Variants in DSCAM observed in about 807,000 individuals in gnomAD.
DSCAM encodes DS cell adhesion molecule, also known as cell adhesion molecule DSCAM.
Under a neutral mutation model 217.7 loss-of-function variants are expected in DSCAM, and 47 were observed. The observed-to-expected ratio is 0.22, with a 90% CI of 0.17 to 0.28. The LOEUF (loss-of-function observed/expected upper bound fraction) is 0.28. Among genes scored for constraint, DSCAM ranks in the 10% least tolerant of loss-of-function variants. The pLI, the probability that DSCAM is intolerant of heterozygous loss-of-function variation, is 1.00. For missense variants in DSCAM, 2,080 were observed against 2,618.3 expected (o/e 0.79, Z 4.49); for synonymous variants, 1,056 against 1,015.3 (o/e 1.04, Z -0.76).
chr21:40,339,497 G>A (rs1024534113), intron 6 of DSCAM, 82 bp from the exon 7 acceptor site: 6 of 1,342,822 alleles, frequency 4.5e-6, no homozygotes. Context: ...CATGTCTAGG[G>A]GGTAAATGTC....
intron 3 of DSCAM, among the ~76,000 whole-genome samples, chr21:40,551,053 T>C (rs2076625706): frequency 6.6e-6 from 1 of 152,178 alleles, no homozygotes; most frequent in Non-Finnish European, 1.5e-5. Context: ...AAAAGTGTAG[T>C]GTTAATGAAA....
chr21:40,375,536 A>G (rs1165333233), intron 3 of DSCAM, among the ~76,000 whole-genome samples: 3 of 152,166 alleles, frequency 2.0e-5, no homozygotes, highest in African/African-American at 7.2e-5. Flanking sequence ...TTTAAGTCAA[A>G]TTTCCAGCAA....
chr21:40,472,559 TG>T (rs2075897684), intron 3 of DSCAM, among the ~76,000 whole-genome samples: 1 of 152,230 alleles, frequency 6.6e-6, no homozygotes, highest in Admixed American at 6.5e-5. Context: ...AACTTCATTT[TG>T]AAATAATGTT....
intron 3 of DSCAM, among the ~76,000 whole-genome samples, chr21:40,410,418 T>C (rs1430735189): frequency 6.6e-6 from 1 of 151,768 alleles, no homozygotes; most frequent in Non-Finnish European, 1.5e-5. Context: ...GAGGCAGAGT[T>C]AGGACTCCTA....
Position 40,619,987 on chromosome 21 carries a change from AAGAG to A in DSCAM, c.508+72819_508+72822del, listed in dbSNP as rs1310106205. On this transcript the variant is annotated intron_variant, in intron 3 of 32. Coordinates refer to ENST00000400454, the MANE Select transcript of DSCAM (RefSeq NM_001389.5). The stretch of plus-strand genomic sequence containing the variant: ...GAGAAAAAGAAGGAAAAGAAAAAGA[AAGAG>A]AGAGAGAAAGAGAGAGAAAAAAGAA... 1.6e-4 allele frequency among the ~76,000 whole-genome samples: 23 copies of A among 145,076 alleles called. No individual in the cohort carries two copies. In the East Asian group the frequency reaches 2.3e-3, roughly 14 times the overall value.
At chr21:40,801,017 T>TG (rs2091735971) in intron 1 of DSCAM, among the ~76,000 whole-genome samples, 1 of 151,288 alleles carries the variant, frequency 6.6e-6, no homozygotes, top group Non-Finnish European at 1.5e-5. Flanking sequence ...AGTGGCTTGA[T>TG]CTTGGCTCAC....
chr21:40,473,354 A>G (rs143394141), intron 3 of DSCAM, among the ~76,000 whole-genome samples: 3 of 152,336 alleles, frequency 2.0e-5, no homozygotes, highest in African/African-American at 7.2e-5. Flanking sequence ...TACAAAGCTT[A>G]TTGGGAATCC....
intron 3 of DSCAM, among the ~76,000 whole-genome samples, chr21:40,585,179 CT>C (rs11304632): frequency 0.22 from 32,199 of 145,658 alleles, 3,883 homozygotes; most frequent in African/African-American, 0.32. Context: ...AAATCAACTT[CT>C]TTTTTTTTTT....
intron 3 of DSCAM, among the ~76,000 whole-genome samples, chr21:40,652,161 G>A (rs950385609): frequency 1.7e-5 from 2 of 116,934 alleles, no homozygotes; most frequent in East Asian, 2.5e-4. Context: ...TGAAGGGTGG[G>A]GGTGGAGGGA....
intron 1 of DSCAM, among the ~76,000 whole-genome samples, chr21:40,794,709 C>T (rs1454004279): frequency 6.7e-6 from 1 of 149,750 alleles, no homozygotes; most frequent in Non-Finnish European, 1.5e-5. Context: ...ACTAGTTGAC[C>T]TGGATAGCTG....
At position 40,827,483 on chromosome 21, in the gene DSCAM, A is replaced by AG. The variant is rs1555892991; in HGVS notation, c.43+19135_43+19136insC. ...GTCCATGTCTCAAAAAAAAAAAAAA[A>AG]AAAGAAAAGAAAGAAAGAAAATAAA... On this transcript the variant is annotated intron_variant, in intron 1 of 32. Coordinates refer to ENST00000400454, the MANE Select transcript of DSCAM (RefSeq NM_001389.5). Among the ~76,000 whole-genome samples the AG allele has an allele frequency of 2.1e-3, 280 of 133,440 alleles. 10 individuals carry two copies. The highest frequency in any genetic ancestry group is 2.9e-3 in the South Asian group (12 of 4,186). The allele number at this position is 133,440 out of a possible 152,430, so 87.5% of individuals were successfully genotyped here.
At chr21:40,634,991 T>C (rs1345576941) in intron 3 of DSCAM, among the ~76,000 whole-genome samples, 1 of 152,196 alleles carries the variant, frequency 6.6e-6, no homozygotes, top group Non-Finnish European at 1.5e-5. Flanking sequence ...TTCACAAAGA[T>C]AGGAATTTTG....
At chr21:40,454,138 A>C (rs1200518759) in intron 3 of DSCAM, among the ~76,000 whole-genome samples, 1 of 152,232 alleles carries the variant, frequency 6.6e-6, no homozygotes, top group Non-Finnish European at 1.5e-5. Context: ...ATGATGAATC[A>C]GGGCAATTTT....
chr21:40,638,287 C>G (rs1003937679), intron 3 of DSCAM, among the ~76,000 whole-genome samples: 1 of 152,108 alleles, frequency 6.6e-6, no homozygotes, highest in Non-Finnish European at 1.5e-5. Flanking sequence ...TCCCTGGTAA[C>G]GAGATGGTAA....
rs990381360 is a variant in DSCAM at position 40,144,134 on chromosome 21, C to T, written c.3259+357G>A. On this transcript the variant is annotated intron_variant, in intron 17 of 32. Transcript: ENST00000400454. This position sits in a 1 kb window ranked among gnomAD's most constrained non-coding sequence, Gnocchi z 4.8. Reference sequence around the variant, plus strand: ...AATAAATTTTAAAAAACCTTCTTAACATTTGGGAGAAAGTTTTTTAGCAAA... The same window carrying T: ...AATAAATTTTAAAAAACCTTCTTAATATTTGGGAGAAAGTTTTTTAGCAAA... Among the ~76,000 whole-genome samples the T allele has an allele frequency of 1.3e-5, 2 of 152,184 alleles. No homozygotes were observed. The highest frequency in any genetic ancestry group is 4.8e-5 in the African/African-American group (2 of 41,440).
chr21:40,205,677 A>C (rs1048000997), intron 11 of DSCAM, among the ~76,000 whole-genome samples: 3 of 151,996 alleles, frequency 2.0e-5, no homozygotes, highest in African/African-American at 7.3e-5. Context: ...TCCCAAGCTA[A>C]AGAGCCACAA....
chr21:40,121,843 C>T (rs1020559344), intron 20 of DSCAM, among the ~76,000 whole-genome samples: 3 of 151,874 alleles, frequency 2.0e-5, no homozygotes, highest in African/African-American at 7.3e-5. Context: ...AGGCATGTAC[C>T]ACCACACCTG....
intron 3 of DSCAM, among the ~76,000 whole-genome samples, chr21:40,474,722 C>T (rs2075919108): frequency 1.3e-5 from 2 of 152,150 alleles, no homozygotes; most frequent in African/African-American, 4.8e-5. Flanking sequence ...TGGCAGCATC[C>T]CCCAGACATA....
intron 20 of DSCAM, among the ~76,000 whole-genome samples, chr21:40,123,947 T>C (rs1240629293): frequency 1.3e-5 from 2 of 152,134 alleles, no homozygotes; most frequent in Admixed American, 1.3e-4. Flanking sequence ...CTGCTGGCAG[T>C]TTAGTGGGAA....
Sources: gnomAD v4.1 joint callset for allele counts (sites outside exome capture counted in the v4.1 genomes callset) on GRCh38, gnomAD v4.1.1 for gene constraint, Gnocchi (gnomAD v3.1) non-coding constraint, MANE v1.5 for transcripts, NCBI Gene and HGNC (gene_info 2026-07-23, HGNC 2026-07-21) for gene names.